Variants in ODAD3 observed in about 807,000 individuals in gnomAD.
The protein encoded by ODAD3 is outer dynein arm-docking complex subunit 3.
ODAD3 carries 57 observed loss-of-function variants against 70.9 expected under a neutral mutation model. That is an observed-to-expected ratio of 0.80 (90% confidence interval 0.65 to 1.00). The LOEUF (loss-of-function observed/expected upper bound fraction) is 1.00. Among genes scored for constraint, ODAD3 ranks in the 50% least tolerant of loss-of-function variants. The pLI is 0.00. For missense variants in ODAD3, 797 were observed against 763.9 expected (o/e 1.04, Z -0.51); for synonymous variants, 327 against 315.9 (o/e 1.04, Z -0.37).
At chr19:11,426,850 C>T in intron 4 of ODAD3, 23 bp downstream of exon 4, 1 of 1,611,344 alleles carries the variant, frequency 6.2e-7, no homozygotes, top group Non-Finnish European at 8.5e-7. Flanking sequence ...ACCCTCTGCC[C>T]TGCAGGCCTC....
chr19:11,425,271 A>ATG (rs1453520465), intron 7 of ODAD3, among the ~76,000 whole-genome samples: 1 of 137,946 alleles, frequency 7.2e-6, no homozygotes, highest in Non-Finnish European at 1.5e-5. Flanking sequence ...ATATGTGTAT[A>ATG]TGTGTGTATA....
rs975329278 is a variant in ODAD3, at chr19:11,423,497, A to G, written c.1116+380T>C. Among the ~76,000 whole-genome samples the G allele has an allele frequency of 3.3e-5, 5 of 152,194 alleles. No homozygotes were observed. The South Asian group carries it at 6.2e-4, about 19-fold the overall frequency. ...CAGGGACCCCACTTGCCAGGATCTG[A>G]GGATGGTACTGGGCGGTCCACTGGG... On this transcript the variant is annotated intron_variant, in intron 8 of 12. Coordinates refer to ENST00000356392, the MANE Select transcript of ODAD3 (RefSeq NM_145045.5).
chr19:11,431,056 C>CTGGG, intron 1 of ODAD3, 36 bp from the exon 2 acceptor site: 1 of 1,613,634 alleles, frequency 6.2e-7, no homozygotes, highest in Non-Finnish European at 8.5e-7. Context: ...CACACAGTTA[C>CTGGG]TGGGTGGGTG....
chr19:11,425,610 TATATATGC>T lies in ODAD3; in HGVS notation c.963+526_963+533del, dbSNP rs1429177945. Among the ~76,000 whole-genome samples, 49 of 134,120 alleles carry T rather than the reference TATATATGC, an allele frequency of 3.7e-4. No individual in the cohort carries two copies. The South Asian group carries it at 7.6e-3, about 21-fold the overall frequency. 88.0% of individuals were successfully genotyped at this position (134,120 alleles called of 152,430 possible). On this transcript the variant is annotated intron_variant, in intron 7 of 12. Coordinates refer to ENST00000356392, the MANE Select transcript of ODAD3 (RefSeq NM_145045.5). ...ATGTATATGTGTATATATGTGTGTG[TATATATGC>T]ATATATGCATATATGTATATATATG...
intron 7 of ODAD3, among the ~76,000 whole-genome samples, chr19:11,425,069 ATGTATATG>A (rs1313223890): frequency 1.2e-4 from 15 of 124,518 alleles, no homozygotes; most frequent in Admixed American, 2.2e-4. Context: ...ATGTGTATAT[ATGTATATG>A]TGTATATGTA....
chr19:11,425,335 GTATATATGTA>G (rs1412050534), intron 7 of ODAD3, among the ~76,000 whole-genome samples: 1 of 126,926 alleles, frequency 7.9e-6, no homozygotes, highest in African/African-American at 3.4e-5. Context: ...GTACATATGT[GTATATATGTA>G]TATATGTGTA....
chr19:11,425,497 A>ATGTG (rs1969331831), intron 7 of ODAD3, among the ~76,000 whole-genome samples: 7 of 140,098 alleles, frequency 5.0e-5, no homozygotes, highest in Non-Finnish European at 9.4e-5. Flanking sequence ...ATATGTATAT[A>ATGTG]TGTATATATG....
chr19:11,435,025 TG>T lies in ODAD3; in HGVS notation c.-10del. 6.2e-7 allele frequency: 1 copy of T among 1,606,626 alleles called. No homozygotes were observed. Among genetic ancestry groups the T allele is most frequent in the Non-Finnish European group, 8.5e-7 (1 of 1,178,364 alleles). Reference sequence around the variant, plus strand: ...CACAGAGGAGATGTCATGATGGGGTTGGGGCTGAAGGCCCCTAGGGGTTAGG... The same window carrying T: ...CACAGAGGAGATGTCATGATGGGGTTGGGCTGAAGGCCCCTAGGGGTTAGG... On this transcript the variant is annotated 5_prime_UTR_variant, in exon 1 of 13. Coordinates refer to ENST00000356392, the MANE Select transcript of ODAD3 (RefSeq NM_145045.5).
rs758094826 is a variant in ODAD3, at chr19:11,422,576, C to T, written c.1329G>A (p.Arg443=). Residue 443 remains arginine (R), a synonymous_variant, in exon 10 of 13, where the codon CGG becomes CGA. Transcript: ENST00000356392. The surrounding 1 kb of genome is among the most constrained non-coding windows in gnomAD (Gnocchi z 4.6). The part of the protein sequence containing the change: ...EAQERLKKEE[R]RHAEAKDQLE... ...GCTGGTCCTTGGCCTCGGCGTGCCG[C>T]CGCTCCTCCTTCTTGAGACGCTCCT... 4.0e-4 allele frequency: 634 copies of T among 1,592,268 alleles called. No homozygotes were observed. Among genetic ancestry groups the T allele is most frequent in the Non-Finnish European group, 5.0e-4 (591 of 1,171,826 alleles).
upstream of ODAD3, chr19:11,435,535 C>T: frequency 1.9e-6 from 1 of 514,324 alleles, no homozygotes; most frequent in Non-Finnish European, 3.3e-6. Context: ...GGCTCTGGCA[C>T]CGCCCCCACT....
intron 1 of ODAD3, among the ~76,000 whole-genome samples, chr19:11,432,219 C>G (rs1969518638): frequency 6.6e-6 from 1 of 152,156 alleles, no homozygotes; most frequent in Non-Finnish European, 1.5e-5. Context: ...TCTGTATACT[C>G]AGGTTTTGCA....
chr19:11,430,486 T>C, intron 3 of ODAD3: 1 of 588,818 alleles, frequency 1.7e-6, no homozygotes, highest in East Asian at 2.8e-5. Flanking sequence ...TATGAGCTGT[T>C]TTTAGAAGTG....
intron 1 of ODAD3, 72 bp downstream of exon 1, chr19:11,434,701 C>G (rs1233689749): frequency 1.3e-6 from 2 of 1,522,374 alleles, no homozygotes; most frequent in Non-Finnish European, 1.8e-6. Context: ...GGAGAAATAC[C>G]TTTGTCACAC....
At chr19:11,427,115 C>T in intron 3 of ODAD3, 75 bp from the exon 4 acceptor site, 1 of 1,430,468 alleles carries the variant, frequency 7.0e-7, no homozygotes, top group Non-Finnish European at 9.2e-7. Flanking sequence ...TCCTCCCTTC[C>T]TTCTCCCACA....
rs578106295 is a variant in ODAD3, at chr19:11,434,965, C to T, written c.52G>A (p.Asp18Asn). 1.4e-5 allele frequency: 23 copies of T among 1,613,674 alleles called. No homozygotes were observed. In the South Asian group the frequency reaches 2.0e-4, roughly 14 times the overall value. Reference sequence around the variant, plus strand: ...CTGGAAGAGGGCGTCGAAGCCTGGTCCTGAGGAGGCAGGGCGTTGGCGGAG... The same window carrying T: ...CTGGAAGAGGGCGTCGAAGCCTGGTTCTGAGGAGGCAGGGCGTTGGCGGAG... ...AASANALPPQ[D>N]QASTPSSRVK... is the part of the protein sequence containing the mutation. The change falls in exon 1 of 13, where the codon GAC (aspartate) becomes AAC (asparagine). Residue 18 changes from aspartate to asparagine, a missense_variant. By Grantham distance (23) the Asp-to-Asn change is conservative (BLOSUM62 1). Coordinates refer to ENST00000356392, the MANE Select transcript of ODAD3 (RefSeq NM_145045.5).
In ODAD3 at chr19:11,425,505, ATG is replaced by A. The variant is rs1261218767; in HGVS notation, c.963+637_963+638del. Among the ~76,000 whole-genome samples, 839 of 143,116 alleles carry A rather than the reference ATG, an allele frequency of 5.9e-3. 28 individuals carry two copies. Among genetic ancestry groups the A allele is most frequent in the Admixed American group, 8.9e-3 (125 of 14,080 alleles). The allele number at this position is 143,116 out of a possible 152,430, so 93.9% of individuals were successfully genotyped here. A position where few individuals can be genotyped will look rare whatever the true frequency, so the allele number is the denominator to read the frequency against. ...TGTGTATATATGTATATATGTATAT[ATG>A]TGTGTATATATGTATATATGTATAT... On this transcript the variant is annotated intron_variant, in intron 7 of 12. Transcript: ENST00000356392.
intron 10 of ODAD3, 132 bp from the exon 11 acceptor site, chr19:11,421,964 A>G: frequency 1.0e-6 from 1 of 980,808 alleles, no homozygotes; most frequent in Non-Finnish European, 1.5e-6. Context: ...GATCCTAGCC[A>G]TTGGGGGCGG....
chr19:11,428,399 G>A (rs974211484), intron 3 of ODAD3, among the ~76,000 whole-genome samples: 1 of 151,846 alleles, frequency 6.6e-6, no homozygotes, highest in Non-Finnish European at 1.5e-5. Context: ...ATGCCACGAC[G>A]CCTGGGTACG....
chr19:11,431,268 C>T (rs1969498714), intron 1 of ODAD3: 1 of 459,776 alleles, frequency 2.2e-6, no homozygotes, highest in South Asian at 2.3e-5. Context: ...TGTACCACCA[C>T]ACCTGGCTAA....
Sources: gnomAD v4.1 joint callset for allele counts (sites outside exome capture counted in the v4.1 genomes callset) on GRCh38, gnomAD v4.1.1 for gene constraint, Gnocchi (gnomAD v3.1) non-coding constraint, MANE v1.5 for transcripts, NCBI Gene and HGNC (gene_info 2026-07-23, HGNC 2026-07-21) for gene names.